Variants in TECTA observed in about 807,000 individuals in gnomAD.
The protein encoded by TECTA is tectorin alpha.
A neutral mutation model predicts 216.8 loss-of-function variants in TECTA; 128 were observed. That is an observed-to-expected ratio of 0.59 (90% CI 0.51 to 0.68). The LOEUF (loss-of-function observed/expected upper bound fraction) is 0.68. Ranked by LOEUF, TECTA falls within the 30% of genes least tolerant of loss-of-function variation. The probability of loss-of-function intolerance (pLI) is 0.00; values close to 1 mark genes in which losing one functional copy is unlikely to be tolerated. For synonymous variants in TECTA, 1,089 were observed against 1,117.1 expected, an observed-to-expected ratio of 0.97 and a Z score of 0.50; for missense variants, 2,551 against 2,786.2, an observed-to-expected ratio of 0.92 and a Z score of 1.90.
Position 121,160,387 on chromosome 11 carries a change from G to A in TECTA, c.4942G>A (p.Ala1648Thr), listed in dbSNP as rs772411528. The A allele has an allele frequency of 6.2e-6, 10 of 1,612,748 alleles. No homozygotes were observed. Among genetic ancestry groups the A allele is most frequent in the Admixed American group, 1.7e-5 (1 of 60,002 alleles). ...GCCGGTGGTAAGCAGCGTGGTGCTG[G>A]CCCAGAGCTGGAAAACCAATGGCAT... ...GKPVVSSVVL[A>T]QSWKTNGMQK... Residue 1648 changes from alanine (A) to threonine (T), a missense_variant, in exon 15 of 24, where the codon GCC (alanine) becomes ACC (threonine). By Grantham distance (58) the Ala-to-Thr change is moderately conservative. Transcript: ENST00000392793.
intron 3 of TECTA, 110 bp from the exon 4 acceptor site, chr11:121,109,101 T>C (rs1591436116): frequency 2.4e-6 from 3 of 1,249,062 alleles, no homozygotes; most frequent in Non-Finnish European, 3.4e-6. Context: ...AATTCAGTAG[T>C]TTAAAAGTTG....
At chr11:121,174,041 G>C (rs1217127154) in intron 20 of TECTA, among the ~76,000 whole-genome samples, 1 of 152,122 alleles carries the variant, frequency 6.6e-6, no homozygotes, top group East Asian at 1.9e-4. Flanking sequence ...CATTGATTTT[G>C]TATCCTGAGA....
intron 7 of TECTA, among the ~76,000 whole-genome samples, chr11:121,121,423 C>G (rs1946557330): frequency 6.6e-6 from 1 of 152,202 alleles, no homozygotes; most frequent in South Asian, 2.1e-4. Flanking sequence ...GGCTTATCAG[C>G]TGTCTGCTAA....
chr11:121,173,906 G>A lies in TECTA; in HGVS notation c.5999+4981G>A, dbSNP rs896388889. ...AGTTCTCCTTGAAGAGGTCCTTCAC[G>A]TCCCTTGTAAGTTGGATTCCTAGGT... On this transcript the variant is annotated intron_variant, in intron 20 of 23. Coordinates refer to ENST00000392793, the MANE Select transcript of TECTA (RefSeq NM_005422.4). Among the ~76,000 whole-genome samples, 880 of 151,734 alleles carry A rather than the reference G, an allele frequency of 5.8e-3. 11 individuals are homozygous for A. Among genetic ancestry groups the A allele is most frequent in the African/African-American group, 0.019 (790 of 41,344 alleles).
intron 7 of TECTA, among the ~76,000 whole-genome samples, chr11:121,119,657 C>T (rs1237316832): frequency 6.6e-6 from 1 of 152,212 alleles, no homozygotes; most frequent in South Asian, 2.1e-4. Context: ...GAGGTCATTA[C>T]AGAGATTACA....
chr11:121,157,386 C>G (rs1368765732), intron 13 of TECTA, among the ~76,000 whole-genome samples: 1 of 152,020 alleles, frequency 6.6e-6, no homozygotes, highest in Non-Finnish European at 1.5e-5. Flanking sequence ...AGGAGGATCA[C>G]TCGAGCCTAG....
chr11:121,164,047 C>A (rs895464636), intron 16 of TECTA, among the ~76,000 whole-genome samples: 1 of 152,200 alleles, frequency 6.6e-6, no homozygotes, highest in Non-Finnish European at 1.5e-5. Context: ...TGCACTCCCA[C>A]GTAATGTAAT....
rs546916 is a variant in TECTA, at chr11:121,165,151, G to T, written c.5273-122G>T. 335,576 of 918,868 alleles carry T rather than the reference G, an allele frequency of 0.37. 64,560 individuals are homozygous for T. Among genetic ancestry groups the T allele is most frequent in the African/African-American group, 0.6 (36,343 of 60,888 alleles). 56.9% of individuals were successfully genotyped at this position (918,868 alleles called of 1,614,324 possible). A position where few individuals can be genotyped will look rare whatever the true frequency, so the allele number is the denominator to read the frequency against. On this transcript the variant is annotated intron_variant, in intron 16 of 23. Transcript: ENST00000392793. ...TGGAAGGTTGCCCTGTCTGTTAACT[G>T]GCAGCTGCCATCTGACCATTTCCAA...
chr11:121,171,709 C>T (rs1296489374), intron 20 of TECTA, among the ~76,000 whole-genome samples: 1 of 151,998 alleles, frequency 6.6e-6, no homozygotes, highest in East Asian at 1.9e-4. Context: ...ATTTATTTTG[C>T]TGCTAGTTCA....
intron 20 of TECTA, among the ~76,000 whole-genome samples, chr11:121,175,809 A>G (rs915605677): frequency 2.0e-5 from 3 of 152,036 alleles, no homozygotes; most frequent in African/African-American, 7.3e-5. Context: ...TCCCATTATT[A>G]TTGTGTGGGA....
chr11:121,171,335 C>T (rs1947110206), intron 20 of TECTA, among the ~76,000 whole-genome samples: 1 of 152,100 alleles, frequency 6.6e-6, no homozygotes, highest in South Asian at 2.1e-4. Context: ...TAGCTTCACA[C>T]TATACTTAAA....
At chr11:121,163,145 A>G (rs1947018131) in intron 16 of TECTA, among the ~76,000 whole-genome samples, 2 of 152,292 alleles carry the variant, frequency 1.3e-5, no homozygotes, top group South Asian at 2.1e-4. Context: ...CACTGTGAAA[A>G]TAGGCTGACT....
At chr11:121,117,991 T>G (rs1946516692) in intron 6 of TECTA, among the ~76,000 whole-genome samples, 1 of 152,222 alleles carries the variant, frequency 6.6e-6, no homozygotes. Flanking sequence ...CATGGATTCA[T>G]GATAACGTGG....
At chr11:121,122,090 G>A (rs1200694184) in intron 7 of TECTA, among the ~76,000 whole-genome samples, 1 of 152,068 alleles carries the variant, frequency 6.6e-6, no homozygotes, top group African/African-American at 2.4e-5. Context: ...TCTGCAGGAT[G>A]GTTTATTTCT....
chr11:121,135,624 G>A (rs1946718276), intron 10 of TECTA, among the ~76,000 whole-genome samples: 1 of 152,236 alleles, frequency 6.6e-6, no homozygotes, highest in Non-Finnish European at 1.5e-5. Flanking sequence ...AGTCCACAGT[G>A]CAGAACTGTT....
intron 7 of TECTA, among the ~76,000 whole-genome samples, chr11:121,120,281 G>A (rs1006041692): frequency 3.3e-5 from 5 of 152,122 alleles, no homozygotes; most frequent in South Asian, 2.1e-4. Context: ...TTTCTGTAGC[G>A]ACAGGGCGAT....
intron 2 of TECTA, among the ~76,000 whole-genome samples, chr11:121,103,756 G>A (rs940234247): frequency 1.8e-4 from 27 of 151,944 alleles, no homozygotes; most frequent in Admixed American, 1.0e-3. Context: ...GTTAATTACC[G>A]TAGTTTAAAC....
intron 12 of TECTA, among the ~76,000 whole-genome samples, chr11:121,147,710 G>A (rs1946852297): frequency 6.6e-6 from 1 of 152,176 alleles, no homozygotes; most frequent in South Asian, 2.1e-4. Flanking sequence ...AGCTGTTTTG[G>A]AAGGGAAAGC....
intron 20 of TECTA, among the ~76,000 whole-genome samples, chr11:121,186,258 G>T (rs1057449662): frequency 6.6e-6 from 1 of 152,262 alleles, no homozygotes; most frequent in Non-Finnish European, 1.5e-5. Flanking sequence ...CTCCAGCTGT[G>T]TGGAGGGCAG....
Sources: allele counts gnomAD v4.1 joint callset (sites outside exome capture counted in the v4.1 genomes callset), GRCh38; gene constraint gnomAD v4.1.1; transcripts MANE v1.5; gene names NCBI Gene and HGNC (gene_info 2026-07-23, HGNC 2026-07-21).